Variants in ANKRD18A observed in about 807,000 individuals in gnomAD.
ANKRD18A encodes the protein ankyrin repeat domain 18A.
In ANKRD18A, 72 loss-of-function variants were observed where a neutral mutation model predicts 110.6. That is an observed-to-expected ratio of 0.65 (90% CI 0.54 to 0.79). The LOEUF (loss-of-function observed/expected upper bound fraction) is 0.79, where lower values mean the gene tolerates loss of function less well. Among genes scored for constraint, ANKRD18A ranks in the 30% least tolerant of loss-of-function variants. The pLI is 0.00. For synonymous variants in ANKRD18A, 305 were observed against 410.3 expected, an observed-to-expected ratio of 0.74 and a Z score of 3.10; for missense variants, 934 against 1,163.3, an observed-to-expected ratio of 0.80 and a Z score of 2.87.
intron 1 of ANKRD18A, among the ~76,000 whole-genome samples, chr9:38,618,141 T>C (rs978209545): frequency 2.0e-5 from 3 of 152,188 alleles, no homozygotes; most frequent in African/African-American, 7.2e-5. Flanking sequence ...TGAGAAATTA[T>C]TTTTATCTGT....
chr9:38,574,392 A>G (rs953161709), intron 15 of ANKRD18A, among the ~76,000 whole-genome samples: 1 of 152,192 alleles, frequency 6.6e-6, no homozygotes, highest in African/African-American at 2.4e-5. Flanking sequence ...TTTTTGTTAC[A>G]ATGATTTATA....
chr9:38,604,455 G>A (rs1825266053), intron 6 of ANKRD18A, among the ~76,000 whole-genome samples: 1 of 145,568 alleles, frequency 6.9e-6, no homozygotes, highest in Non-Finnish European at 1.5e-5. Flanking sequence ...ACCATGAAGG[G>A]AGACATGAAC....
chr9:38,619,987 G>A, intron 1 of ANKRD18A, 93 bp downstream of exon 1: 2 of 1,452,110 alleles, frequency 1.4e-6, no homozygotes, highest in Non-Finnish European at 9.2e-7. Flanking sequence ...AGGGTGCCCG[G>A]CGCCCTCCAA....
chr9:38,588,347 A>T (rs138915710), intron 11 of ANKRD18A, among the ~76,000 whole-genome samples: 3,521 of 152,170 alleles, frequency 0.023, 82 homozygotes, highest in African/African-American at 0.056. Context: ...AATAATTCCA[A>T]CAAAAAAGTC....
chr9:38,600,777 C>T (rs1005554162), intron 8 of ANKRD18A, among the ~76,000 whole-genome samples: 1 of 152,158 alleles, frequency 6.6e-6, no homozygotes, highest in African/African-American at 2.4e-5. Context: ...GAGGTGAACT[C>T]AGTGGCCATC....
chr9:38,579,432 T>C (rs1177895101), intron 12 of ANKRD18A, among the ~76,000 whole-genome samples: 1 of 151,552 alleles, frequency 6.6e-6, no homozygotes, highest in Admixed American at 6.6e-5. Flanking sequence ...AAGACAAATA[T>C]CCAAAGTACA....
In ANKRD18A at chr9:38,612,543, G is replaced by A. The variant is rs555801404; in HGVS notation, c.496-1222C>T. Among the ~76,000 whole-genome samples the A allele has an allele frequency of 8.6e-4, 102 of 118,840 alleles. 1 individual carries two copies. The highest frequency in any genetic ancestry group is 3.3e-3 in the African/African-American group (97 of 29,380). The allele number at this position is 118,840 out of a possible 152,430, so 78.0% of individuals were successfully genotyped here. ...TTTCTTTTTTTTTTTTTGGAAATGGGGTCTCACACTGTCACCCAGGCTGCA... is the reference window on the plus strand; with the variant it reads ...TTTCTTTTTTTTTTTTTGGAAATGGAGTCTCACACTGTCACCCAGGCTGCA... On this transcript the variant is annotated intron_variant, in intron 3 of 15. Transcript: ENST00000399703.
At chr9:38,570,230 T>C (rs570733828), downstream of ANKRD18A, among the ~76,000 whole-genome samples, 1 of 152,062 alleles carries the variant, frequency 6.6e-6, no homozygotes, top group Non-Finnish European at 1.5e-5. Flanking sequence ...CCCACTGACC[T>C]GGTCCCCACT....
At chr9:38,615,876 T>G in intron 2 of ANKRD18A, 54 bp downstream of exon 2, 1 of 1,523,010 alleles carries the variant, frequency 6.6e-7, no homozygotes, top group Non-Finnish European at 8.8e-7. Flanking sequence ...TCATTTTAAT[T>G]CTATGTATTT....
intron 5 of ANKRD18A, among the ~76,000 whole-genome samples, chr9:38,609,354 G>C (rs534759635): frequency 2.0e-5 from 3 of 152,008 alleles, no homozygotes; most frequent in South Asian, 2.1e-4. Context: ...GGTGGCGGGC[G>C]CCTGTAGTCC....
At chr9:38,603,734 A>G (rs1333764632) in intron 6 of ANKRD18A, among the ~76,000 whole-genome samples, 4 of 152,132 alleles carry the variant, frequency 2.6e-5, no homozygotes, top group South Asian at 4.1e-4. Context: ...TACCCTGAAC[A>G]GAATGCCCTA....
downstream of ANKRD18A, chr9:38,569,360 C>A: frequency 1.0e-6 from 1 of 985,348 alleles, no homozygotes; most frequent in Non-Finnish European, 1.2e-6. Flanking sequence ...TAGCGACTGT[C>A]CCCAAGCCAG....
At chr9:38,612,507 A>AT (rs757031924) in intron 3 of ANKRD18A, among the ~76,000 whole-genome samples, 13 of 126,594 alleles carry the variant, frequency 1.0e-4, no homozygotes, top group African/African-American at 2.4e-4. Flanking sequence ...AGTCACTTGC[A>AT]TTTTTTTCTT....
At chr9:38,581,648 A>G (rs184205825) in intron 12 of ANKRD18A, among the ~76,000 whole-genome samples, 1 of 152,308 alleles carries the variant, frequency 6.6e-6, no homozygotes, top group Non-Finnish European at 1.5e-5. Flanking sequence ...GAGTGTTAAG[A>G]CATCAAATGC....
intron 5 of ANKRD18A, among the ~76,000 whole-genome samples, chr9:38,609,368 T>C (rs144409233): frequency 0.016 from 2,479 of 151,944 alleles, 33 homozygotes; most frequent in Middle Eastern, 0.068. Context: ...GTAGTCCCAG[T>C]TACTTGGTAG....
chr9:38,594,165 C>T (rs1824772564), intron 9 of ANKRD18A, among the ~76,000 whole-genome samples: 1 of 152,196 alleles, frequency 6.6e-6, no homozygotes, highest in Non-Finnish European at 1.5e-5. Context: ...ACCCTCAACT[C>T]AACCTGAGTT....
chr9:38,620,100 G>A lies in ANKRD18A; in HGVS notation c.186C>T (p.Asp62=). 1 of 1,555,162 alleles carries A rather than the reference G, an allele frequency of 6.4e-7. No homozygotes were observed. The highest frequency in any genetic ancestry group is 8.7e-7 in the Non-Finnish European group (1 of 1,149,280). ...GCTACCTGTCTTTTCTGTCGCGGGC[G>A]TCCAAGTCCCGGAACCTGCGCGTCA... The part of the protein sequence containing the change: ...RCLTRRFRDL[D]ARDRKDRTVL... The change falls in exon 1 of 16, where the codon GAC becomes GAT. Residue 62 remains aspartate, a synonymous_variant. Coordinates refer to ENST00000399703, the MANE Select transcript of ANKRD18A (RefSeq NM_147195.4).
At chr9:38,574,020 T>C (rs1421255669) in intron 15 of ANKRD18A, among the ~76,000 whole-genome samples, 3 of 152,174 alleles carry the variant, frequency 2.0e-5, no homozygotes, top group Admixed American at 6.5e-5. Context: ...GTAGTGAGCA[T>C]AGGACCCAAG....
At chr9:38,592,203 C>T (rs4878831) in intron 10 of ANKRD18A, among the ~76,000 whole-genome samples, 26,188 of 152,182 alleles carry the variant, frequency 0.17, 3,052 homozygotes, top group East Asian at 0.44. Flanking sequence ...GTGTTAATGT[C>T]TCAAAGAAGT....
Sources: gnomAD v4.1 joint callset for allele counts (sites outside exome capture counted in the v4.1 genomes callset) on GRCh38, gnomAD v4.1.1 for gene constraint, MANE v1.5 for transcripts, NCBI Gene and HGNC (gene_info 2026-07-23, HGNC 2026-07-21) for gene names.